Variants in PPM1L observed in about 807,000 individuals in gnomAD.
PPM1L encodes the protein protein phosphatase 1L.
In PPM1L, 13 loss-of-function variants were observed where a neutral mutation model predicts 31.4. The ratio of observed to expected loss-of-function variants is 0.41; its 90% CI spans 0.27 to 0.66. The LOEUF is 0.66. Ranked by LOEUF, PPM1L falls within the 30% of genes least tolerant of loss-of-function variation. The probability of loss-of-function intolerance (pLI) is 0.29; values close to 1 mark genes in which losing one functional copy is unlikely to be tolerated. For synonymous variants in PPM1L, 184 were observed against 175.4 expected, an observed-to-expected ratio of 1.05 and a Z score of -0.39; for missense variants, 326 against 453.7, an observed-to-expected ratio of 0.72 and a Z score of 2.56.
chr3:160,763,756 G>A (rs550927546), intron 1 of PPM1L, among the ~76,000 whole-genome samples: 27 of 152,204 alleles, frequency 1.8e-4, no homozygotes, highest in Non-Finnish European at 2.9e-4. Flanking sequence ...CAAGATAGAA[G>A]TATGGGGGGA....
intron 2 of PPM1L, among the ~76,000 whole-genome samples, chr3:161,021,178 T>G (rs1445729361): frequency 6.6e-6 from 1 of 152,058 alleles, no homozygotes; most frequent in Non-Finnish European, 1.5e-5. Flanking sequence ...TATAGGTGTT[T>G]ATAGCTGTAA....
chr3:160,806,036 A>C (rs1440482756), intron 1 of PPM1L, among the ~76,000 whole-genome samples: 1 of 152,112 alleles, frequency 6.6e-6, no homozygotes, highest in Non-Finnish European at 1.5e-5. Flanking sequence ...TGCCATACCA[A>C]CTGATGTCTC....
chr3:160,872,852 C>CGGA (rs1282476031), intron 1 of PPM1L, among the ~76,000 whole-genome samples: 1 of 151,914 alleles, frequency 6.6e-6, no homozygotes, highest in Non-Finnish European at 1.5e-5. Context: ...GCTTGAACCC[C>CGGA]GGAGGCAGAG....
chr3:161,062,993 G>A (rs1379001229), intron 2 of PPM1L, among the ~76,000 whole-genome samples: 1 of 152,146 alleles, frequency 6.6e-6, no homozygotes, highest in Admixed American at 6.5e-5. Flanking sequence ...AGTGAGAAGA[G>A]AAGAGAGTCC....
At chr3:160,785,238 G>T (rs949647532) in intron 1 of PPM1L, among the ~76,000 whole-genome samples, 17 of 152,046 alleles carry the variant, frequency 1.1e-4, no homozygotes, top group Non-Finnish European at 4.4e-5. Flanking sequence ...GAATTTTAAA[G>T]TTCATTTCTT....
At chr3:160,932,277 A>C (rs1714813004) in intron 1 of PPM1L, among the ~76,000 whole-genome samples, 1 of 152,226 alleles carries the variant, frequency 6.6e-6, no homozygotes, top group South Asian at 2.1e-4. Flanking sequence ...GCTACAGGGA[A>C]TGCTTGGCAC....
intron 2 of PPM1L, among the ~76,000 whole-genome samples, chr3:160,992,353 G>A (rs778650): frequency 0.15 from 23,157 of 152,014 alleles, 1,998 homozygotes; most frequent in East Asian, 0.28. Flanking sequence ...CAGAGGACAC[G>A]AACACCATTA....
chr3:160,850,167 C>T lies in PPM1L; in HGVS notation c.399+93460C>T, dbSNP rs554667898. Among the ~76,000 whole-genome samples, 136 of 152,240 alleles carry T rather than the reference C, an allele frequency of 8.9e-4. 3 individuals carry two copies. Among genetic ancestry groups the T allele is most frequent in the Middle Eastern group, 3.4e-3 (1 of 294 alleles). ...GGTTTGATCATTTGCTAGAATGGTG[C>T]ACAGAACACAGGGAAACACTTTACT... On this transcript the variant is annotated intron_variant, in intron 1 of 3. Coordinates refer to ENST00000498165, the MANE Select transcript of PPM1L (RefSeq NM_139245.4).
At chr3:160,877,126 T>C (rs1337145083) in intron 1 of PPM1L, among the ~76,000 whole-genome samples, 2 of 152,238 alleles carry the variant, frequency 1.3e-5, no homozygotes, top group East Asian at 3.9e-4. Context: ...TAGATTTAAT[T>C]TGAATACTCT....
intron 1 of PPM1L, among the ~76,000 whole-genome samples, chr3:160,873,036 T>C (rs1260283591): frequency 1.3e-5 from 2 of 152,238 alleles, no homozygotes; most frequent in African/African-American, 2.4e-5. Context: ...AGATTGAGTC[T>C]TTATCCTAGT....
intron 1 of PPM1L, among the ~76,000 whole-genome samples, chr3:160,849,758 A>G (rs555112331): frequency 6.9e-6 from 1 of 144,424 alleles, no homozygotes; most frequent in Admixed American, 6.9e-5. Flanking sequence ...TAGAGATGGA[A>G]TTTCACTGTG....
chr3:161,001,528 C>A (rs999452633), intron 2 of PPM1L, among the ~76,000 whole-genome samples: 2 of 152,024 alleles, frequency 1.3e-5, no homozygotes, highest in Non-Finnish European at 2.9e-5. Context: ...TAATTCGCCC[C>A]CCAAAGTGCT....
intron 1 of PPM1L, among the ~76,000 whole-genome samples, chr3:160,832,405 A>G (rs961511153): frequency 1.3e-5 from 2 of 152,032 alleles, no homozygotes; most frequent in South Asian, 2.1e-4. Flanking sequence ...GAGCTGAGAG[A>G]GTGCTTGGTA....
chr3:160,956,593 G>A (rs1715782651), intron 1 of PPM1L, among the ~76,000 whole-genome samples: 1 of 152,190 alleles, frequency 6.6e-6, no homozygotes, highest in African/African-American at 2.4e-5. Context: ...AGGCAAGAAT[G>A]GAGAAGATCA....
chr3:160,946,710 A>G (rs1333148163), intron 1 of PPM1L, among the ~76,000 whole-genome samples: 2 of 152,100 alleles, frequency 1.3e-5, no homozygotes, highest in African/African-American at 2.4e-5. Context: ...TGGGGAGACC[A>G]TTGGGCTTCT....
intron 1 of PPM1L, among the ~76,000 whole-genome samples, chr3:160,841,191 AT>A (rs1713869007): frequency 6.6e-6 from 1 of 151,818 alleles, no homozygotes; most frequent in East Asian, 1.9e-4. Context: ...TTATCTATAT[AT>A]ATTTTCTCCT....
intron 2 of PPM1L, among the ~76,000 whole-genome samples, chr3:160,983,385 C>T (rs1265143773): frequency 6.6e-6 from 1 of 150,888 alleles, no homozygotes; most frequent in African/African-American, 2.4e-5. Context: ...AGAAAATGAG[C>T]TTGTCTAAAA....
chr3:160,858,341 G>T (rs1287145581), intron 1 of PPM1L, among the ~76,000 whole-genome samples: 1 of 152,026 alleles, frequency 6.6e-6, no homozygotes, highest in Non-Finnish European at 1.5e-5. Context: ...CCGCCTCCCA[G>T]ATTCAATTGA....
At chr3:160,849,410 TC>T (rs1382522338) in intron 1 of PPM1L, among the ~76,000 whole-genome samples, 58 of 151,192 alleles carry the variant, frequency 3.8e-4, no homozygotes, top group African/African-American at 1.3e-3. Context: ...TTTCTTTCTT[TC>T]TTTCTTTCTT....
Sources: gnomAD v4.1 joint callset for allele counts (sites outside exome capture counted in the v4.1 genomes callset) on GRCh38, gnomAD v4.1.1 for gene constraint, MANE v1.5 for transcripts, NCBI Gene and HGNC (gene_info 2026-07-23, HGNC 2026-07-21) for gene names.